The following CDH18 variants were observed in gnomAD, a reference collection of about 807,000 sequenced individuals.
CDH18 encodes the protein cadherin-18.
CDH18 carries 31 observed loss-of-function variants against 67.9 expected under a neutral mutation model. The ratio of observed to expected loss-of-function variants is 0.46; its 90% CI spans 0.34 to 0.62. CDH18 has a LOEUF of 0.62. CDH18 is among the 20% of genes least tolerant of loss of function. The pLI, the probability that CDH18 is intolerant of heterozygous loss-of-function variation, is 0.01. For missense variants in CDH18, 890 were observed against 975.5 expected (o/e 0.91, Z 1.17); for synonymous variants, 362 against 347.2 (o/e 1.04, Z -0.48).
At chr5:19,919,865 A>T (rs1792236956) in intron 2 of CDH18, among the ~76,000 whole-genome samples, 1 of 152,154 alleles carries the variant, frequency 6.6e-6, no homozygotes, top group Non-Finnish European at 1.5e-5. Context: ...ATATACAAAT[A>T]AAAAAAGTTG....
intron 1 of CDH18, among the ~76,000 whole-genome samples, chr5:20,532,460 C>G (rs1424591359): frequency 6.6e-6 from 1 of 151,996 alleles, no homozygotes; most frequent in Non-Finnish European, 1.5e-5. Flanking sequence ...TGCTCTCTAA[C>G]TCTAGTGTTT....
chr5:20,055,990 C>CTTTTTTTTTTT lies in CDH18; in HGVS notation c.-517-63987_-517-63977dup, dbSNP rs34736791. ...CTAACTTTAGGGTCCTTTTGGTTTC[C>CTTTTTTTTTTT]TTTTTTTTTTTTTTTTTTTTTTTTT... is the stretch of plus-strand genomic sequence containing the variant. On this transcript the variant is annotated intron_variant, in intron 2 of 14. Coordinates refer to the CDH18 transcript ENST00000507958. 1.1e-3 allele frequency among the ~76,000 whole-genome samples: 84 copies of CTTTTTTTTTTT among 73,806 alleles called. 2 individuals carry two copies. The highest frequency in any genetic ancestry group is 1.6e-3 in the Non-Finnish European group (61 of 37,190). The allele number at this position is 73,806 out of a possible 152,430, so 48.4% of individuals were successfully genotyped here.
intron 5 of CDH18, among the ~76,000 whole-genome samples, chr5:19,659,638 A>C (rs1022073277): frequency 2.0e-5 from 3 of 152,118 alleles, no homozygotes; most frequent in African/African-American, 4.8e-5. Context: ...TTAGATGATG[A>C]GTGCTGCACC....
At chr5:20,293,913 T>C (rs1029699292) in intron 1 of CDH18, among the ~76,000 whole-genome samples, 1 of 152,152 alleles carries the variant, frequency 6.6e-6, no homozygotes, top group African/African-American at 2.4e-5. Context: ...GTTGGTTGAT[T>C]TATAGTATTT....
At chr5:19,899,417 T>C (rs1789695128) in intron 2 of CDH18, among the ~76,000 whole-genome samples, 1 of 149,780 alleles carries the variant, frequency 6.7e-6, no homozygotes, top group Non-Finnish European at 1.5e-5. Flanking sequence ...AAAAAAATGA[T>C]GTTGTCTCAC....
intron 3 of CDH18, among the ~76,000 whole-genome samples, chr5:19,806,671 A>G (rs911202515): frequency 6.6e-6 from 1 of 152,152 alleles, no homozygotes; most frequent in Non-Finnish European, 1.5e-5. Flanking sequence ...CCAAACTTGT[A>G]TTGTCACTTC....
intron 10 of CDH18, among the ~76,000 whole-genome samples, chr5:19,508,678 A>C (rs758643227): frequency 2.6e-5 from 4 of 152,040 alleles, no homozygotes; most frequent in Non-Finnish European, 1.5e-5. Context: ...ATTGTCTGTT[A>C]ATTGAGACAG....
In CDH18 at chr5:20,024,019, A is replaced by G. The variant is rs565745077; in HGVS notation, c.-517-32005T>C. Among the ~76,000 whole-genome samples the G allele has an allele frequency of 9.8e-4, 149 of 152,346 alleles. No individual in the cohort carries two copies. The Middle Eastern group carries it at 0.01, about 10-fold the overall frequency. ...CAGTTTTTAGAATTCCAGCCAAGGC[A>G]GTACAAGGAGTAGAGCTAATTGGAG... is the stretch of plus-strand genomic sequence containing the variant. On this transcript the variant is annotated intron_variant, in intron 2 of 14. Transcript: ENST00000507958.
intron 1 of CDH18, among the ~76,000 whole-genome samples, chr5:20,346,743 T>C (rs1036189897): frequency 2.6e-5 from 4 of 152,154 alleles, no homozygotes; most frequent in South Asian, 4.1e-4. Flanking sequence ...GTAGGTCTTA[T>C]AGCCTTGAGT....
chr5:20,288,444 GA>G (rs1561941963), intron 1 of CDH18, among the ~76,000 whole-genome samples: 130 of 148,048 alleles, frequency 8.8e-4, no homozygotes, highest in Admixed American at 1.1e-3. Flanking sequence ...CAAAAAATAC[GA>G]TATATATATA....
rs1030192020 is a variant in CDH18, at chr5:20,263,440, T to G, written c.-579-7935A>C. ...TCAATATTTCAAACAAATATAAAAT[T>G]TTGGAAAGCTTGCATTTGTCTCATG... On this transcript the variant is annotated intron_variant, in intron 1 of 14. Coordinates refer to the CDH18 transcript ENST00000507958. Among the ~76,000 whole-genome samples, 10 of 152,292 alleles carry G rather than the reference T, an allele frequency of 6.6e-5. No homozygotes were observed. In the East Asian group the frequency reaches 1.9e-3, roughly 29 times the overall value.
chr5:20,372,430 C>A (rs781156921), intron 1 of CDH18, among the ~76,000 whole-genome samples: 1 of 152,082 alleles, frequency 6.6e-6, no homozygotes, highest in East Asian at 1.9e-4. Context: ...CTACTTAATA[C>A]TAGATCTTAT....
At chr5:20,039,243 C>A (rs1740186027) in intron 2 of CDH18, among the ~76,000 whole-genome samples, 1 of 152,024 alleles carries the variant, frequency 6.6e-6, no homozygotes, top group African/African-American at 2.4e-5. Context: ...TAGGAAGAAT[C>A]AATATCATGA....
chr5:20,165,512 T>C (rs1396261662), intron 2 of CDH18, among the ~76,000 whole-genome samples: 2 of 152,112 alleles, frequency 1.3e-5, no homozygotes, highest in Non-Finnish European at 2.9e-5. Context: ...ATTTTAGACT[T>C]TGAAATAAAA....
At chr5:20,501,594 T>TATTATA (rs1554010562) in intron 1 of CDH18, among the ~76,000 whole-genome samples, 14 of 35,298 alleles carry the variant, frequency 4.0e-4, no homozygotes, top group African/African-American at 1.6e-3. Context: ...TATATATATA[T>TATTATA]TATATATATA....
At chr5:19,762,538 C>T (rs942756999) in intron 3 of CDH18, among the ~76,000 whole-genome samples, 29 of 151,712 alleles carry the variant, frequency 1.9e-4, no homozygotes, top group African/African-American at 6.5e-4. Flanking sequence ...AAAACCACAC[C>T]AGTGGTTTTG....
At chr5:19,598,908 T>A (rs1746603595) in intron 6 of CDH18, among the ~76,000 whole-genome samples, 1 of 152,114 alleles carries the variant, frequency 6.6e-6, no homozygotes, top group Non-Finnish European at 1.5e-5. Context: ...AAATAAAATG[T>A]CAAATTTGTA....
At chr5:20,542,351 A>C (rs2126592797) in intron 1 of CDH18, among the ~76,000 whole-genome samples, 1 of 151,622 alleles carries the variant, frequency 6.6e-6, no homozygotes, top group South Asian at 2.1e-4. Context: ...GATGAGAGGA[A>C]GAAATTGGGG....
chr5:20,224,318 T>C (rs1158528549), intron 2 of CDH18, among the ~76,000 whole-genome samples: 1 of 152,156 alleles, frequency 6.6e-6, no homozygotes, highest in Non-Finnish European at 1.5e-5. Flanking sequence ...TATTTTGTAA[T>C]AGAGCAGCTC....
Sources: allele counts gnomAD v4.1 joint callset (sites outside exome capture counted in the v4.1 genomes callset), GRCh38; gene constraint gnomAD v4.1.1; transcripts MANE v1.5; gene names NCBI Gene and HGNC (gene_info 2026-07-23, HGNC 2026-07-21).